The following MED13L variants were observed in gnomAD, a reference collection of about 807,000 sequenced individuals.
The protein encoded by MED13L is mediator complex subunit 13L, also known as mediator of RNA polymerase II transcription subunit 13-like.
Under a neutral mutation model 220.9 loss-of-function variants are expected in MED13L, and 7 were observed. The observed-to-expected ratio is 0.03, with a 90% confidence interval of 0.02 to 0.06. The LOEUF is 0.06. Ranked by LOEUF, MED13L falls within the 10% of genes least tolerant of loss-of-function variation. The pLI is 1.00. For synonymous variants in MED13L, 1,011 were observed against 1,015.2 expected (o/e 1.00, Z 0.08); for missense variants, 1,965 against 2,760.5 (o/e 0.71, Z 6.46).
At chr12:116,085,203 T>G (rs571490503) in intron 4 of MED13L, among the ~76,000 whole-genome samples, 69 of 152,256 alleles carry the variant, frequency 4.5e-4, no homozygotes, top group African/African-American at 1.6e-3. Context: ...CAATTCACAA[T>G]CCAGCATGAC....
chr12:115,965,376 AT>A (rs1174439045), intron 29 of MED13L, among the ~76,000 whole-genome samples: 1 of 152,168 alleles, frequency 6.6e-6, no homozygotes, highest in East Asian at 1.9e-4. Context: ...CCTTTGGGCT[AT>A]TCCTTAGAGG....
chr12:116,233,903 C>G (rs1869819580), intron 2 of MED13L, among the ~76,000 whole-genome samples: 1 of 151,088 alleles, frequency 6.6e-6, no homozygotes, highest in African/African-American at 2.4e-5. Context: ...AGCCTTCTCT[C>G]AGACTATTTC....
At chr12:116,205,730 T>C (rs1050523681) in intron 2 of MED13L, among the ~76,000 whole-genome samples, 3 of 152,030 alleles carry the variant, frequency 2.0e-5, no homozygotes, top group Non-Finnish European at 4.4e-5. Flanking sequence ...TCCAATTATT[T>C]TCCTACCTTA....
chr12:115,966,026 A>T (rs995050332), intron 29 of MED13L, 56 bp downstream of exon 29: 5 of 1,590,428 alleles, frequency 3.1e-6, no homozygotes, highest in African/African-American at 1.3e-5. Flanking sequence ...ACCAAAATTA[A>T]ATTTAAGCGT....
At chr12:116,079,546 ATTAT>A (rs1871079230) in intron 4 of MED13L, among the ~76,000 whole-genome samples, 2 of 151,564 alleles carry the variant, frequency 1.3e-5, no homozygotes. Context: ...TTTTATTATT[ATTAT>A]TTATGTTTTT....
intron 4 of MED13L, among the ~76,000 whole-genome samples, chr12:116,065,886 C>G (rs910740748): frequency 1.3e-5 from 2 of 152,224 alleles, no homozygotes; most frequent in African/African-American, 2.4e-5. Context: ...GACAGTTGCT[C>G]TACTGCAGCA....
chr12:116,145,165 G>T (rs1192539264), intron 2 of MED13L, among the ~76,000 whole-genome samples: 1 of 152,138 alleles, frequency 6.6e-6, no homozygotes, highest in Non-Finnish European at 1.5e-5. Flanking sequence ...ACCATCTATT[G>T]TTTGATAAGG....
chr12:116,249,208 A>G (rs995005728), intron 1 of MED13L, among the ~76,000 whole-genome samples: 2 of 152,362 alleles, frequency 1.3e-5, no homozygotes, highest in South Asian at 4.1e-4. Flanking sequence ...AAACACTGTT[A>G]AACACCTTGG....
intron 2 of MED13L, among the ~76,000 whole-genome samples, chr12:116,124,121 G>GAC (rs1875336102): frequency 8.9e-6 from 1 of 112,922 alleles, no homozygotes; most frequent in Non-Finnish European, 1.8e-5. Flanking sequence ...GAGAGAGAAA[G>GAC]ACGAGAGAGA....
intron 2 of MED13L, among the ~76,000 whole-genome samples, chr12:116,202,828 AAACT>A (rs1348175138): frequency 1.3e-5 from 2 of 152,190 alleles, no homozygotes; most frequent in African/African-American, 2.4e-5. Flanking sequence ...GAAAAATTAA[AAACT>A]GCTTCTCACA....
intron 10 of MED13L, 26 bp downstream of exon 10, chr12:116,008,375 G>A (rs779698085): frequency 1.3e-6 from 2 of 1,588,428 alleles, no homozygotes; most frequent in Non-Finnish European, 1.7e-6. Context: ...CGGTGGACGG[G>A]TGGGTGGTGC....
At chr12:116,256,917 C>A (rs978615890) in intron 1 of MED13L, among the ~76,000 whole-genome samples, 1 of 152,030 alleles carries the variant, frequency 6.6e-6, no homozygotes, top group Non-Finnish European at 1.5e-5. Context: ...ATCTCTTGAC[C>A]GCCCACCTCG....
intron 4 of MED13L, among the ~76,000 whole-genome samples, chr12:116,068,550 GATGGTAGA>G (rs1418774239): frequency 6.6e-6 from 1 of 152,120 alleles, no homozygotes; most frequent in Non-Finnish European, 1.5e-5. Flanking sequence ...TGGGAAACAG[GATGGTAGA>G]ATAACTGGCC....
At chr12:116,069,411 T>C (rs1402198861) in intron 4 of MED13L, among the ~76,000 whole-genome samples, 3 of 152,202 alleles carry the variant, frequency 2.0e-5, no homozygotes, top group Non-Finnish European at 2.9e-5. Context: ...TTTGCTTCAT[T>C]AATAAAGCTA....
chr12:115,968,125 G>C (rs541191688), intron 28 of MED13L, among the ~76,000 whole-genome samples: 3 of 141,326 alleles, frequency 2.1e-5, no homozygotes, highest in Non-Finnish European at 4.5e-5. Context: ...AGTGTGAGCA[G>C]GCTGCTTATG....
At chr12:116,187,882 TA>T (rs75880346) in intron 2 of MED13L, among the ~76,000 whole-genome samples, 2,063 of 132,340 alleles carry the variant, frequency 0.016, 14 homozygotes, top group African/African-American at 0.034. Context: ...TTTTATAAGT[TA>T]AAAAAAAAAA....
At position 116,071,750 on chromosome 12, in the gene MED13L, T is replaced by C. The variant is rs377298761; in HGVS notation, c.479+24919A>G. 4.3e-4 allele frequency among the ~76,000 whole-genome samples: 65 copies of C among 152,346 alleles called. 1 individual carries two copies. The East Asian group carries it at 6.2e-3, about 14-fold the overall frequency. On this transcript the variant is annotated intron_variant, in intron 4 of 30. Transcript: ENST00000281928. Reference sequence around the variant, plus strand: ...AGTTCCCAGAAACATTACATATGTATATGCACCGTAACTGATTAGCATACT... The same window carrying C: ...AGTTCCCAGAAACATTACATATGTACATGCACCGTAACTGATTAGCATACT...
chr12:116,156,714 C>T (rs560362077), intron 2 of MED13L, among the ~76,000 whole-genome samples: 1 of 152,176 alleles, frequency 6.6e-6, no homozygotes, highest in East Asian at 1.9e-4. Flanking sequence ...TGAAGTGTTC[C>T]CTCAAATTAG....
chr12:116,231,714 G>A (rs1023966815), intron 2 of MED13L, among the ~76,000 whole-genome samples: 1 of 152,154 alleles, frequency 6.6e-6, no homozygotes, highest in Non-Finnish European at 1.5e-5. Context: ...ACGTAAAAGA[G>A]TGCTTCACAT....
Sources: gnomAD v4.1 joint callset for allele counts (sites outside exome capture counted in the v4.1 genomes callset) on GRCh38, gnomAD v4.1.1 for gene constraint, MANE v1.5 for transcripts, NCBI Gene and HGNC (gene_info 2026-07-23, HGNC 2026-07-21) for gene names.